The following NRG3 variants were observed in gnomAD, a reference collection of about 807,000 sequenced individuals.
NRG3 encodes the protein neuregulin 3.
NRG3 carries 31 observed loss-of-function variants against 66.9 expected under a neutral mutation model. The ratio of observed to expected loss-of-function variants is 0.46; its 90% CI spans 0.35 to 0.63. The LOEUF (loss-of-function observed/expected upper bound fraction) is 0.63, where lower values mean the gene tolerates loss of function less well. Ranked by LOEUF, NRG3 falls within the 20% of genes least tolerant of loss-of-function variation. The pLI is 0.00. For missense variants in NRG3, 910 were observed against 878.9 expected (o/e 1.04, Z -0.45); for synonymous variants, 393 against 359.4 (o/e 1.09, Z -1.06).
intron 1 of NRG3, among the ~76,000 whole-genome samples, chr10:82,254,126 AT>A (rs1170283551): frequency 6.6e-6 from 1 of 152,130 alleles, no homozygotes; most frequent in Non-Finnish European, 1.5e-5. Context: ...AGGACCAACC[AT>A]TTTTAGAATA....
chr10:81,973,404 A>G (rs1215673468), intron 1 of NRG3, among the ~76,000 whole-genome samples: 1 of 152,196 alleles, frequency 6.6e-6, no homozygotes, highest in Non-Finnish European at 1.5e-5. Context: ...AATGATTTAT[A>G]TTCCTTTGGG....
intron 1 of NRG3, among the ~76,000 whole-genome samples, chr10:82,305,218 A>G (rs1453778981): frequency 1.3e-5 from 2 of 151,788 alleles, no homozygotes; most frequent in Non-Finnish European, 2.9e-5. Flanking sequence ...GATGGTCTCA[A>G]TCTCCTGACC....
At chr10:82,560,054 C>G (rs936572908) in intron 2 of NRG3, among the ~76,000 whole-genome samples, 1 of 151,654 alleles carries the variant, frequency 6.6e-6, no homozygotes, top group African/African-American at 2.4e-5. Flanking sequence ...TTGTCATCAT[C>G]TTTCCTATTA....
At chr10:81,882,948 T>A (rs1842312196) in intron 1 of NRG3, among the ~76,000 whole-genome samples, 1 of 152,300 alleles carries the variant, frequency 6.6e-6, no homozygotes, top group Admixed American at 6.5e-5. Context: ...TTCCAGCATA[T>A]GTTTATCAAA....
intron 1 of NRG3, among the ~76,000 whole-genome samples, chr10:82,078,583 C>A (rs1012829882): frequency 6.6e-6 from 1 of 152,186 alleles, no homozygotes; most frequent in Non-Finnish European, 1.5e-5. Flanking sequence ...ATCTCATGAC[C>A]TCGTGATCCG....
chr10:82,939,894 C>T (rs565949541), intron 4 of NRG3, among the ~76,000 whole-genome samples: 1 of 151,420 alleles, frequency 6.6e-6, no homozygotes, highest in Admixed American at 6.6e-5. Context: ...CTTTTTATTG[C>T]CCCACCAAGC....
At chr10:82,485,999 C>T (rs1269051120) in intron 2 of NRG3, among the ~76,000 whole-genome samples, 1 of 152,132 alleles carries the variant, frequency 6.6e-6, no homozygotes, top group Non-Finnish European at 1.5e-5. Context: ...CTTGAATAGA[C>T]ATTTCTTCAA....
At chr10:81,908,377 T>C (rs976470431) in intron 1 of NRG3, among the ~76,000 whole-genome samples, 1 of 152,212 alleles carries the variant, frequency 6.6e-6, no homozygotes, top group Non-Finnish European at 1.5e-5. Flanking sequence ...CTATGATTGG[T>C]AACAGGGTGG....
chr10:82,686,177 CT>C (rs59238821), intron 2 of NRG3, among the ~76,000 whole-genome samples: 131,257 of 147,670 alleles, frequency 0.89, 58,334 homozygotes, highest in East Asian at 1. Flanking sequence ...GCTATGCTTT[CT>C]TTTTTTTTTT....
chr10:82,679,587 G>T (rs1205434195), intron 2 of NRG3, among the ~76,000 whole-genome samples: 1 of 152,190 alleles, frequency 6.6e-6, no homozygotes, highest in African/African-American at 2.4e-5. Context: ...ATGCAAAGCT[G>T]CTTGTTCAAA....
At chr10:82,364,107 A>G (rs901334424) in intron 2 of NRG3, among the ~76,000 whole-genome samples, 3 of 152,126 alleles carry the variant, frequency 2.0e-5, no homozygotes, top group African/African-American at 4.8e-5. Flanking sequence ...ACACCCGGTT[A>G]AGAGAGTTGA....
intron 1 of NRG3, among the ~76,000 whole-genome samples, chr10:82,264,414 C>T (rs537218713): frequency 1.8e-4 from 27 of 152,216 alleles, no homozygotes; most frequent in African/African-American, 6.5e-4. Context: ...ACCCCCACTC[C>T]CGCCCCGCCC....
intron 1 of NRG3, among the ~76,000 whole-genome samples, chr10:82,054,264 G>C (rs1003043730): frequency 1.3e-5 from 2 of 152,162 alleles, no homozygotes; most frequent in African/African-American, 4.8e-5. Flanking sequence ...TTCAATAATT[G>C]AGGTGAGAAA....
At chr10:82,835,071 A>G (rs2062709554) in intron 3 of NRG3, among the ~76,000 whole-genome samples, 1 of 152,204 alleles carries the variant, frequency 6.6e-6, no homozygotes, top group Admixed American at 6.5e-5. Context: ...TGAAACTTAC[A>G]TTCTTTCATC....
intron 2 of NRG3, among the ~76,000 whole-genome samples, chr10:82,668,861 T>C (rs1200162110): frequency 6.6e-6 from 1 of 152,192 alleles, no homozygotes; most frequent in African/African-American, 2.4e-5. Context: ...CTTTACATTA[T>C]AGATTGCCTC....
At chr10:82,151,779 C>CA (rs1478248995) in intron 1 of NRG3, among the ~76,000 whole-genome samples, 1 of 152,106 alleles carries the variant, frequency 6.6e-6, no homozygotes, top group Non-Finnish European at 1.5e-5. Context: ...ATCACTGTCC[C>CA]ATAAAAAAAG....
intron 2 of NRG3, among the ~76,000 whole-genome samples, chr10:82,620,788 C>T (rs1023968229): frequency 6.6e-6 from 1 of 151,990 alleles, no homozygotes; most frequent in Non-Finnish European, 1.5e-5. Context: ...CCTGTCTGCC[C>T]AGAATTTCTG....
chr10:82,488,418 A>C (rs1266585764), intron 2 of NRG3, among the ~76,000 whole-genome samples: 4 of 152,226 alleles, frequency 2.6e-5, no homozygotes, highest in Admixed American at 2.6e-4. Context: ...AATTTAAATA[A>C]ATACAAAATA....
chr10:82,815,278 A>C (rs2061658727), intron 3 of NRG3, among the ~76,000 whole-genome samples: 1 of 152,118 alleles, frequency 6.6e-6, no homozygotes, highest in Non-Finnish European at 1.5e-5. Flanking sequence ...CCTCCCTTGC[A>C]TCTCACCTGG....
Sources: allele counts gnomAD v4.1 joint callset (sites outside exome capture counted in the v4.1 genomes callset), GRCh38; gene constraint gnomAD v4.1.1; transcripts MANE v1.5; gene names NCBI Gene and HGNC (gene_info 2026-07-23, HGNC 2026-07-21).